Variants in CLPSL2 observed in about 807,000 individuals in gnomAD.
The protein encoded by CLPSL2 is colipase-like protein 2.
Under a neutral mutation model 7.9 loss-of-function variants are expected in CLPSL2, and 4 were observed. The ratio of observed to expected loss-of-function variants is 0.50; its 90% CI spans 0.25 to 1.15. The LOEUF is 1.15. CLPSL2 is among the 50% of genes most tolerant of loss of function. The probability of loss-of-function intolerance (pLI) is 0.15; values close to 1 mark genes in which losing one functional copy is unlikely to be tolerated. For missense variants in CLPSL2, 132 were observed against 136.6 expected, an observed-to-expected ratio of 0.97 and a Z score of 0.17; for synonymous variants, 67 against 53.1, an observed-to-expected ratio of 1.26 and a Z score of -1.14.
At chr6:35,778,995 C>T (rs537111738) in intron 2 of CLPSL2, among the ~76,000 whole-genome samples, 12 of 152,240 alleles carry the variant, frequency 7.9e-5, no homozygotes, top group African/African-American at 2.6e-4. Flanking sequence ...TAGTCTCAAA[C>T]TCCTGACCTC....
At chr6:35,777,687 CCTT>C (rs1231488238) in intron 2 of CLPSL2, 106 bp downstream of exon 2, 15 of 1,291,884 alleles carry the variant, frequency 1.2e-5, no homozygotes, top group African/African-American at 1.5e-5. Flanking sequence ...TCTGGAGTGC[CCTT>C]CTTCTTCTCC....
chr6:35,778,173 C>T (rs577216094), intron 2 of CLPSL2, among the ~76,000 whole-genome samples: 2 of 152,314 alleles, frequency 1.3e-5, no homozygotes, highest in Non-Finnish European at 2.9e-5. Context: ...CCAAGCCGGT[C>T]TTGAACTCCT....
In CLPSL2 at chr6:35,777,880, C is replaced by T. The variant is rs964080123; in HGVS notation, c.207+299C>T. The T allele has an allele frequency of 9.8e-6, 7 of 717,572 alleles. No individual in the cohort carries two copies. The African/African-American group carries it at 1.0e-4, about 11-fold the overall frequency. 44.5% of individuals were successfully genotyped at this position (717,572 alleles called of 1,614,324 possible). On this transcript the variant is annotated intron_variant, in intron 2 of 2. Coordinates refer to ENST00000403376, the MANE Select transcript of CLPSL2 (RefSeq NM_207409.4). ...TGGAACTCTTCAAGGGCAGGGATCG[C>T]ATCATATTCATCTATGAAGCACCTA...
At position 35,776,721 on chromosome 6, in the gene CLPSL2, C is replaced by T; in HGVS notation, c.84+19C>T. On this transcript the variant is annotated intron_variant, in intron 1 of 2. Transcript: ENST00000403376. ...TAAAAAGGTGAGCCGGGGAGCGCGCCCAGCCGGCCGCGACCGCAGGAGAGG... is the reference window on the plus strand; with the variant it reads ...TAAAAAGGTGAGCCGGGGAGCGCGCTCAGCCGGCCGCGACCGCAGGAGAGG... 7.3e-7 allele frequency: 1 copy of T among 1,369,206 alleles called. No individual in the cohort carries two copies. The highest frequency in any genetic ancestry group is 9.4e-7 in the Non-Finnish European group (1 of 1,065,616). The allele number at this position is 1,369,206 out of a possible 1,614,324, so 84.8% of individuals were successfully genotyped here. A position where few individuals can be genotyped will look rare whatever the true frequency, so the allele number is the denominator to read the frequency against.
intron 2 of CLPSL2, among the ~76,000 whole-genome samples, chr6:35,778,388 A>G: frequency 6.6e-6 from 1 of 152,216 alleles, no homozygotes; most frequent in South Asian, 2.1e-4. Context: ...GGAGCATGGC[A>G]CTGCAGTGGC....
chr6:35,776,656 C>A lies in CLPSL2; in HGVS notation c.38C>A (p.Ser13Ter). 6.7e-7 allele frequency: 1 copy of A among 1,493,612 alleles called. No individual in the cohort carries two copies. Among genetic ancestry groups the A allele is most frequent in the Admixed American group, 2.2e-5 (1 of 46,280 alleles). 92.5% of individuals were successfully genotyped at this position (1,493,612 alleles called of 1,614,324 possible). ...CTGGCGCTCGTGGCGGGGGTCCTGT[C>A]GGGGGCGGTGCTGCCCCTCTGGAGC... ...AALALVAGVL[S>*]GAVLPLWSAL... The change falls in exon 1 of 3, where the codon TCG (serine) becomes TAG (stop). Residue 13 changes from serine to a stop codon, truncating the protein, a stop_gained. Coordinates refer to ENST00000403376, the MANE Select transcript of CLPSL2 (RefSeq NM_207409.4). LOFTEE classifies it high-confidence loss of function.
At position 35,776,629 on chromosome 6, in the gene CLPSL2, C is replaced by A. The variant is rs1352491038; in HGVS notation, c.11C>A (p.Ala4Asp). 17 of 1,499,300 alleles carry A rather than the reference C, an allele frequency of 1.1e-5. No individual in the cohort carries two copies. Among genetic ancestry groups the A allele is most frequent in the Admixed American group, 4.2e-5 (2 of 47,328 alleles). The allele number at this position is 1,499,300 out of a possible 1,614,324, so 92.9% of individuals were successfully genotyped here. A position where few individuals can be genotyped will look rare whatever the true frequency, so the allele number is the denominator to read the frequency against. MAA[A>D]LALVAGVLSG... ...CTGCCGCCCAGGCCCATGGCCGCAG[C>A]CCTGGCGCTCGTGGCGGGGGTCCTG... The change falls in exon 1 of 3, where the codon GCC becomes GAC. Residue 4 changes from alanine to aspartate, a missense_variant. Ala to Asp is a moderately radical substitution (Grantham distance 126). Transcript: ENST00000403376.
intron 1 of CLPSL2, 180 bp downstream of exon 1, chr6:35,776,882 G>T: frequency 2.0e-6 from 1 of 501,770 alleles, no homozygotes; most frequent in Non-Finnish European, 3.4e-6. Flanking sequence ...ACTTTCCCCT[G>T]GTGGCCTCAG....
In CLPSL2 at chr6:35,777,563, C is replaced by T. The variant is rs1767868494; in HGVS notation, c.189C>T (p.Thr63=). 6 of 1,613,594 alleles carry T rather than the reference C, an allele frequency of 3.7e-6. No individual in the cohort carries two copies. The highest frequency in any genetic ancestry group is 3.3e-5 in the Admixed American group (2 of 59,980). Residue 63 remains threonine (T), a synonymous_variant, in exon 2 of 3, where the codon ACC becomes ACT. Coordinates refer to ENST00000403376, the MANE Select transcript of CLPSL2 (RefSeq NM_207409.4). ...TCTGTGCCCCCAGGGCCAGAATAAC[C>T]ATGATCTGCTTGCCCCAGGTGAGGC... The part of the protein sequence containing the change: ...GAFCAPRARI[T]MICLPQTKGA...
chr6:35,778,523 A>T (rs2817066), intron 2 of CLPSL2, among the ~76,000 whole-genome samples: 1 of 152,216 alleles, frequency 6.6e-6, no homozygotes, highest in African/African-American at 2.4e-5. Flanking sequence ...AGGAGAGGCT[A>T]AAGTACCTAC....
At chr6:35,777,242 G>A (rs1438013138) in intron 1 of CLPSL2, among the ~76,000 whole-genome samples, 1 of 147,932 alleles carries the variant, frequency 6.8e-6, no homozygotes, top group Non-Finnish European at 1.5e-5. Flanking sequence ...GAGGCCGAGG[G>A]AAAAGTGCTA....
At chr6:35,777,830 T>A (rs1767875529) in intron 2 of CLPSL2, 2 of 717,448 alleles carry the variant, frequency 2.8e-6, no homozygotes, top group Non-Finnish European at 5.2e-6. Flanking sequence ...ACTGGCCATG[T>A]CTTTTCTCTG....
At chr6:35,779,324 G>C in intron 2 of CLPSL2, 31 bp from the exon 3 acceptor site, 1 of 1,518,982 alleles carries the variant, frequency 6.6e-7, no homozygotes, top group Non-Finnish European at 8.9e-7. Context: ...GCATCCTGGT[G>C]ACTCCCGATT....
intron 1 of CLPSL2, 124 bp downstream of exon 1, chr6:35,776,826 G>A: frequency 2.3e-6 from 2 of 860,868 alleles, no homozygotes; most frequent in Non-Finnish European, 3.2e-6. Flanking sequence ...ACCACACCCA[G>A]GCGGGTAGCC....
chr6:35,779,421 A>T lies in CLPSL2; in HGVS notation c.274A>T (p.Met92Leu), dbSNP rs1767919480. ...CTTGACGTGCATATCCAAGGACTTG[A>T]TGTGTTCCCGCCGGTGCCATATGAT... ...MGLTCISKDL[M>L]CSRRCHMI The change falls in exon 3 of 3, where the codon ATG (methionine) becomes TTG (leucine). Residue 92 changes from methionine to leucine, a missense_variant. Physicochemically the swap from Met to Leu is conservative, Grantham distance 15 (BLOSUM62 2). Coordinates refer to ENST00000403376, the MANE Select transcript of CLPSL2 (RefSeq NM_207409.4). 1 of 1,579,124 alleles carries T rather than the reference A, an allele frequency of 6.3e-7. No individual in the cohort carries two copies. The highest frequency in any genetic ancestry group is 8.6e-7 in the Non-Finnish European group (1 of 1,161,400).
In CLPSL2 at chr6:35,777,587, GC is replaced by G; in HGVS notation, c.207+9del. The G allele has an allele frequency of 6.2e-7, 1 of 1,609,902 alleles. No homozygotes were observed. Among genetic ancestry groups the G allele is most frequent in the Non-Finnish European group, 8.5e-7 (1 of 1,177,964 alleles). ...CCATGATCTGCTTGCCCCAGGTGAG[GC>G]CCTAGTATGGGGCAACTTCTGGCAA... On this transcript the variant is annotated splice_region_variant and intron_variant, in intron 2 of 2. Transcript: ENST00000403376.
At position 35,779,520 on chromosome 6, in the gene CLPSL2, C is replaced by T. The variant is rs117790648; in HGVS notation, c.*70C>T. 7 of 1,550,880 alleles carry T rather than the reference C, an allele frequency of 4.5e-6. No homozygotes were observed. In the South Asian group the frequency reaches 7.1e-5, roughly 16 times the overall value. ...TGGTTGCCACCAACTTGCTCCAAAT[C>T]CAGCTCCTGAGACATTAAAGTCACT... On this transcript the variant is annotated 3_prime_UTR_variant, in exon 3 of 3. Coordinates refer to ENST00000403376, the MANE Select transcript of CLPSL2 (RefSeq NM_207409.4).
intron 1 of CLPSL2, among the ~76,000 whole-genome samples, chr6:35,777,032 TCTC>T (rs1221700785): frequency 1.3e-5 from 2 of 152,006 alleles, no homozygotes; most frequent in African/African-American, 2.4e-5. Flanking sequence ...TGCTCTGGTT[TCTC>T]CTCCTCTTCT....
rs1767865851 is a variant in CLPSL2, at chr6:35,777,513, A to G, written c.139A>G (p.Met47Val). 6.2e-7 allele frequency: 1 copy of G among 1,613,648 alleles called. No individual in the cohort carries two copies. The highest frequency in any genetic ancestry group is 1.3e-5 in the African/African-American group (1 of 75,004). ...TGAGTGCTACAGTGGCTGCTGCCTC[A>G]TGGACTTGGACTCCGGTGGAGCCTT... ...HSECYSGCCL[M>V]DLDSGGAFCA... The change falls in exon 2 of 3, where the codon ATG (methionine) becomes GTG (valine). Residue 47 changes from methionine (M) to valine (V), a missense_variant. Coordinates refer to ENST00000403376, the MANE Select transcript of CLPSL2 (RefSeq NM_207409.4).
Sources: allele counts gnomAD v4.1 joint callset (sites outside exome capture counted in the v4.1 genomes callset), GRCh38; gene constraint gnomAD v4.1.1; transcripts MANE v1.5; gene names NCBI Gene and HGNC (gene_info 2026-07-23, HGNC 2026-07-21).